The following HPS1 variants were observed in gnomAD, a reference collection of about 807,000 sequenced individuals.
HPS1 encodes the protein BLOC-3 complex member HPS1.
Under a neutral mutation model 90.6 loss-of-function variants are expected in HPS1, and 59 were observed. That is an observed-to-expected ratio of 0.65 (90% CI 0.53 to 0.81). The LOEUF is 0.81. Ranked by LOEUF, HPS1 falls within the 30% of genes least tolerant of loss-of-function variation. The probability of loss-of-function intolerance (pLI) is 0.00; values close to 1 mark genes in which losing one functional copy is unlikely to be tolerated. For missense variants in HPS1, 849 were observed against 896.7 expected (o/e 0.95, Z 0.68); for synonymous variants, 388 against 384.4 (o/e 1.01, Z -0.11).
intron 3 of HPS1, among the ~76,000 whole-genome samples, chr10:98,436,456 G>T (rs570336197): frequency 1.3e-5 from 2 of 152,322 alleles, no homozygotes; most frequent in African/African-American, 4.8e-5. Flanking sequence ...GTTACTTCTG[G>T]ATAGAGGAAT....
chr10:98,423,515 G>A, intron 16 of HPS1, 88 bp downstream of exon 16: 2 of 1,230,570 alleles, frequency 1.6e-6, no homozygotes, highest in Non-Finnish European at 2.4e-6. Flanking sequence ...CCCCTTCCCT[G>A]GGGCCCATAG....
intron 19 of HPS1, 132 bp downstream of exon 19, chr10:98,418,043 G>A (rs879694216): frequency 1.2e-4 from 83 of 699,850 alleles, no homozygotes; most frequent in Non-Finnish European, 7.4e-5. Flanking sequence ...GGCCAGCCGG[G>A]AAGGTGTTCC....
Position 98,417,486 on chromosome 10 carries a change from G to A in HPS1, c.*78C>T, listed in dbSNP as rs745844951. The A allele has an allele frequency of 3.0e-6, 4 of 1,326,888 alleles. No individual in the cohort carries two copies. The Admixed American group carries it at 6.1e-5, about 20-fold the overall frequency. The allele number at this position is 1,326,888 out of a possible 1,614,324, so 82.2% of individuals were successfully genotyped here. On this transcript the variant is annotated 3_prime_UTR_variant, in exon 20 of 20. Coordinates refer to ENST00000361490, the MANE Select transcript of HPS1 (RefSeq NM_000195.5). The surrounding 1 kb of genome is among the most constrained non-coding windows in gnomAD (Gnocchi z 4.2). ...CTCAGGATGGCCACTGCAGACAGGAGGCTCTCGTCATGGGGAACAGTGGCA... is the reference window on the plus strand; with the variant it reads ...CTCAGGATGGCCACTGCAGACAGGAAGCTCTCGTCATGGGGAACAGTGGCA...
chr10:98,437,702 C>G (rs1377697487), intron 3 of HPS1, among the ~76,000 whole-genome samples: 1 of 152,218 alleles, frequency 6.6e-6, no homozygotes, highest in Non-Finnish European at 1.5e-5. Context: ...AGGAAATCAC[C>G]TAATGATGAG....
Position 98,420,028 on chromosome 10 carries a change from G to A in HPS1, c.1857+17C>T, listed in dbSNP as rs1169590066. 6.6e-7 allele frequency: 1 copy of A among 1,513,998 alleles called. No individual in the cohort carries two copies. The highest frequency in any genetic ancestry group is 9.2e-7 in the Non-Finnish European group (1 of 1,088,854). The allele number at this position is 1,513,998 out of a possible 1,614,324, so 93.8% of individuals were successfully genotyped here. ...TGTGTGTGGCCCGTCCTGGCCCAGG[G>A]ACTCAGCCTCACCTACCATGTCATT... is the stretch of plus-strand genomic sequence containing the variant. On this transcript the variant is annotated intron_variant, in intron 18 of 19. Transcript: ENST00000361490.
intron 5 of HPS1, among the ~76,000 whole-genome samples, chr10:98,434,802 C>T (rs924307113): frequency 6.6e-6 from 1 of 152,106 alleles, no homozygotes; most frequent in Non-Finnish European, 1.5e-5. Flanking sequence ...TCCCCAAGTT[C>T]TTTACTGTGG....
intron 10 of HPS1, chr10:98,429,163 T>A: frequency 9.6e-7 from 1 of 1,042,984 alleles, no homozygotes; most frequent in Non-Finnish European, 1.2e-6. Flanking sequence ...TTTATAGTTT[T>A]TTTTTATTGT....
In HPS1 at chr10:98,420,202, C is replaced by T. The variant is rs926262320; in HGVS notation, c.1744-44G>A. ...GCATCACCACTCTCCCAGCCTTGGTCTGCCTGGGCAGCTCTCACCTCCGAA... is the reference window on the plus strand; with the variant it reads ...GCATCACCACTCTCCCAGCCTTGGTTTGCCTGGGCAGCTCTCACCTCCGAA... On this transcript the variant is annotated intron_variant, in intron 17 of 19. Coordinates refer to ENST00000361490, the MANE Select transcript of HPS1 (RefSeq NM_000195.5). 9.9e-6 allele frequency: 14 copies of T among 1,413,510 alleles called. No individual in the cohort carries two copies. The African/African-American group carries it at 1.7e-4, about 17-fold the overall frequency. The allele number at this position is 1,413,510 out of a possible 1,614,324, so 87.6% of individuals were successfully genotyped here.
At chr10:98,428,820 A>G (rs1845954574) in intron 10 of HPS1, among the ~76,000 whole-genome samples, 1 of 150,742 alleles carries the variant, frequency 6.6e-6, no homozygotes, top group Non-Finnish European at 1.5e-5. Flanking sequence ...TTTTTTGTTA[A>G]CATTTTGAAT....
Position 98,417,876 on chromosome 10 carries a change from C to T in HPS1, c.1941-150G>A. On this transcript the variant is annotated intron_variant, in intron 19 of 19. Coordinates refer to ENST00000361490, the MANE Select transcript of HPS1 (RefSeq NM_000195.5). The surrounding 1 kb of genome is among the most constrained non-coding windows in gnomAD (Gnocchi z 4.2). ...GTGGGCCTTGACAACCGCTCCGGTT[C>T]CTCACTGACCTAACAGTGGCATCCT... 1.4e-6 allele frequency: 1 copy of T among 734,448 alleles called. No individual in the cohort carries two copies. The highest frequency in any genetic ancestry group is 1.7e-5 in the South Asian group (1 of 58,120). 45.5% of individuals were successfully genotyped at this position (734,448 alleles called of 1,614,324 possible).
chr10:98,435,811 C>T lies in HPS1; in HGVS notation c.118-39G>A. ...GGAAAATTTCACAGCTTAGAGTGGG[C>T]CAGACACCAAGAACTAAGGAAGGGA... is the stretch of plus-strand genomic sequence containing the variant. On this transcript the variant is annotated intron_variant, in intron 3 of 19. Coordinates refer to ENST00000361490, the MANE Select transcript of HPS1 (RefSeq NM_000195.5). This position sits in a 1 kb window ranked among gnomAD's most constrained non-coding sequence, Gnocchi z 4.3. 6.2e-7 allele frequency: 1 copy of T among 1,613,498 alleles called. No homozygotes were observed. Among genetic ancestry groups the T allele is most frequent in the Non-Finnish European group, 8.5e-7 (1 of 1,179,688 alleles).
chr10:98,438,005 A>C (rs1027935546), intron 3 of HPS1, among the ~76,000 whole-genome samples: 2 of 152,048 alleles, frequency 1.3e-5, no homozygotes, highest in African/African-American at 4.8e-5. Context: ...ACTTTTCTTG[A>C]CACTTCTTCC....
chr10:98,420,411 T>C, intron 17 of HPS1: 1 of 446,882 alleles, frequency 2.2e-6, no homozygotes, highest in East Asian at 4.7e-5. Flanking sequence ...ACTATACACA[T>C]ATGCCATAAA....
At chr10:98,420,013 C>T (rs1263878341) in intron 18 of HPS1, 32 bp downstream of exon 18, 2 of 1,336,634 alleles carry the variant, frequency 1.5e-6, no homozygotes. Context: ...TGTGTGTGGC[C>T]CGTCCTGGCC....
At chr10:98,426,238 G>A (rs1564840033) in intron 11 of HPS1, 1 of 520,492 alleles carries the variant, frequency 1.9e-6, no homozygotes, top group South Asian at 2.3e-5. Context: ...GGGGCAGAGG[G>A]GCTGGGTGGT....
Position 98,435,648 on chromosome 10 carries a change from T to C in HPS1, c.242A>G (p.Tyr81Cys), listed in dbSNP as rs188320187. 7 of 1,613,946 alleles carry C rather than the reference T, an allele frequency of 4.3e-6. No homozygotes were observed. The African/African-American group carries it at 9.3e-5, about 22-fold the overall frequency. Reference sequence around the variant, plus strand: ...CTATAGACTCACCAGGTGAAGGACATACAGGAAGTTGCCATTTTCCGTGGA... The same window carrying C: ...CTATAGACTCACCAGGTGAAGGACACACAGGAAGTTGCCATTTTCCGTGGA... ...CFSTENGNFL[Y>C]VLHLFGECLF... is the part of the protein sequence containing the mutation. Residue 81 changes from tyrosine to cysteine, a missense_variant, in exon 4 of 20, where the codon TAT (tyrosine) becomes TGT (cysteine). Transcript: ENST00000361490. The surrounding 1 kb of genome is among the most constrained non-coding windows in gnomAD (Gnocchi z 4.3).
At chr10:98,436,108 G>T (rs1847284585) in intron 3 of HPS1, among the ~76,000 whole-genome samples, 1 of 152,200 alleles carries the variant, frequency 6.6e-6, no homozygotes, top group Admixed American at 6.5e-5. Flanking sequence ...CAAAGTCTAT[G>T]CTGTTTTTTG....
At chr10:98,440,627 T>C (rs1250654511) in intron 3 of HPS1, among the ~76,000 whole-genome samples, 2 of 152,064 alleles carry the variant, frequency 1.3e-5, no homozygotes, top group African/African-American at 4.8e-5. Flanking sequence ...CTCTGGGTCA[T>C]GGAATTATAG....
At chr10:98,432,484 T>C (rs565508176) in intron 6 of HPS1, among the ~76,000 whole-genome samples, 3 of 152,360 alleles carry the variant, frequency 2.0e-5, no homozygotes, top group East Asian at 3.9e-4. Flanking sequence ...AGTGGGGGTA[T>C]GAGAATGAAT....
Sources: gnomAD v4.1 joint callset for allele counts (sites outside exome capture counted in the v4.1 genomes callset) on GRCh38, gnomAD v4.1.1 for gene constraint, Gnocchi (gnomAD v3.1) non-coding constraint, MANE v1.5 for transcripts, NCBI Gene and HGNC (gene_info 2026-07-23, HGNC 2026-07-21) for gene names.